The following GC variants were observed in gnomAD, a reference collection of about 807,000 sequenced individuals.
GC encodes the protein GC vitamin D binding protein.
Under a neutral mutation model 56.7 loss-of-function variants are expected in GC, and 43 were observed. The observed-to-expected ratio is 0.76, with a 90% CI of 0.59 to 0.98. The LOEUF is 0.98. Ranked by LOEUF, GC falls within the 50% of genes least tolerant of loss-of-function variation. The pLI, the probability that GC is intolerant of heterozygous loss-of-function variation, is 0.00. For missense variants in GC, 529 were observed against 545.9 expected (o/e 0.97, Z 0.31); for synonymous variants, 216 against 202.7 (o/e 1.07, Z -0.56).
intron 3 of GC, among the ~76,000 whole-genome samples, chr4:71,766,865 T>C (rs1055976229): frequency 2.6e-5 from 4 of 152,128 alleles, no homozygotes; most frequent in African/African-American, 9.7e-5. Context: ...AAAACACTTT[T>C]CAAAAATGTT....
At chr4:71,750,275 G>T (rs574544913) in intron 11 of GC, among the ~76,000 whole-genome samples, 1 of 152,148 alleles carries the variant, frequency 6.6e-6, no homozygotes, top group Non-Finnish European at 1.5e-5. Context: ...TTAATTTATA[G>T]AAGAATGTTC....
intron 3 of GC, among the ~76,000 whole-genome samples, chr4:71,765,941 G>C (rs990467568): frequency 1.3e-5 from 2 of 152,166 alleles, no homozygotes; most frequent in South Asian, 2.1e-4. Context: ...CTCTAGCCTA[G>C]TGTTCCTCCG....
intron 12 of GC, among the ~76,000 whole-genome samples, chr4:71,742,350 C>T (rs1470175194): frequency 2.0e-5 from 3 of 152,126 alleles, no homozygotes; most frequent in African/African-American, 7.2e-5. Flanking sequence ...TTAATTTTTT[C>T]CCTCTTCCAA....
At position 71,773,579 on chromosome 4, in the gene GC, C is replaced by T. The variant is rs138851836; in HGVS notation, c.59-4179G>A. 1.6e-3 allele frequency among the ~76,000 whole-genome samples: 244 copies of T among 152,116 alleles called. 2 individuals carry two copies. Among genetic ancestry groups the T allele is most frequent in the African/African-American group, 5.6e-3 (231 of 41,548 alleles). ...AATGGGGATAGCTAATAAGATACTG[C>T]TTTGTTACAAAGTTTATTAAAGTAG... On this transcript the variant is annotated intron_variant, in intron 1 of 12. Coordinates refer to ENST00000273951, the MANE Select transcript of GC (RefSeq NM_000583.4).
intron 1 of GC, among the ~76,000 whole-genome samples, chr4:71,792,794 G>A (rs925681574): frequency 1.3e-5 from 2 of 152,122 alleles, no homozygotes; most frequent in Admixed American, 1.3e-4. Context: ...ATGGTTTTAG[G>A]TCTAATATGT....
upstream of GC, among the ~76,000 whole-genome samples, chr4:71,786,988 G>T (rs140105500): frequency 5.3e-4 from 80 of 151,946 alleles, no homozygotes; most frequent in South Asian, 1.0e-3. Flanking sequence ...GAGAAGAACA[G>T]AACACAATCC....
At chr4:71,787,919 T>C (rs554393960), upstream of GC, among the ~76,000 whole-genome samples, 1 of 151,918 alleles carries the variant, frequency 6.6e-6, no homozygotes, top group African/African-American at 2.4e-5. Context: ...GAATTTTGAG[T>C]AGGCAGCTGG....
intron 1 of GC, among the ~76,000 whole-genome samples, chr4:71,793,036 G>A (rs985885863): frequency 6.6e-6 from 1 of 151,996 alleles, no homozygotes; most frequent in Non-Finnish European, 1.5e-5. Context: ...GTTGGGGTAC[G>A]GGTACCATGC....
At chr4:71,763,119 T>C (rs139689797) in intron 6 of GC, among the ~76,000 whole-genome samples, 22 of 152,326 alleles carry the variant, frequency 1.4e-4, no homozygotes, top group African/African-American at 5.3e-4. Flanking sequence ...TTTTTGTTTG[T>C]AACATATGCT....
At chr4:71,761,810 A>T (rs1344468351) in intron 6 of GC, among the ~76,000 whole-genome samples, 5 of 152,166 alleles carry the variant, frequency 3.3e-5, no homozygotes, top group Non-Finnish European at 7.3e-5. Flanking sequence ...GAGCCTGCGG[A>T]TGCACAGAAG....
chr4:71,800,781 C>A (rs1743228406), intron 1 of GC, among the ~76,000 whole-genome samples: 2 of 152,140 alleles, frequency 1.3e-5, no homozygotes, highest in Admixed American at 6.6e-5. Flanking sequence ...ATCCGACTGG[C>A]ATGTGATGGT....
upstream of GC, among the ~76,000 whole-genome samples, chr4:71,784,553 G>T (rs918106199): frequency 2.0e-5 from 3 of 151,728 alleles, no homozygotes; most frequent in Non-Finnish European, 4.4e-5. Flanking sequence ...AGGGGAAAAA[G>T]AGTGAGAAGC....
chr4:71,758,289 T>A, intron 6 of GC, 118 bp from the exon 7 acceptor site: 3 of 820,914 alleles, frequency 3.7e-6, no homozygotes, highest in Non-Finnish European at 5.9e-6. Flanking sequence ...CCTCAAGAGA[T>A]GCATGGGAGC....
intron 11 of GC, among the ~76,000 whole-genome samples, chr4:71,749,153 A>T (rs1433658704): frequency 6.6e-6 from 1 of 152,130 alleles, no homozygotes; most frequent in African/African-American, 2.4e-5. Context: ...ATCTCTGTGT[A>T]CTCTGAATAA....
intron 10 of GC, among the ~76,000 whole-genome samples, chr4:71,754,007 T>G (rs1053488437): frequency 4.6e-5 from 7 of 152,226 alleles, no homozygotes; most frequent in African/African-American, 1.7e-4. Flanking sequence ...ATGACATGTT[T>G]CCTCCAGAAA....
At chr4:71,799,323 C>A (rs768619627) in intron 1 of GC, among the ~76,000 whole-genome samples, 38 of 152,154 alleles carry the variant, frequency 2.5e-4, no homozygotes, top group Non-Finnish European at 5.4e-4. Context: ...CTCTGTTTAC[C>A]CCCATCTCTC....
intron 11 of GC, among the ~76,000 whole-genome samples, chr4:71,750,472 T>A (rs1741511192): frequency 6.6e-6 from 1 of 152,224 alleles, no homozygotes; most frequent in African/African-American, 2.4e-5. Context: ...ACTTGCTTTT[T>A]TAAAAATTAA....
chr4:71,757,102 A>G (rs570170517), intron 7 of GC, among the ~76,000 whole-genome samples, 188 bp from the exon 8 acceptor site: 1 of 152,342 alleles, frequency 6.6e-6, no homozygotes, highest in African/African-American at 2.4e-5. Context: ...TTAAAAATGT[A>G]CAATTCTATT....
chr4:71,762,931 G>A (rs1338740108), intron 6 of GC, among the ~76,000 whole-genome samples: 2 of 152,118 alleles, frequency 1.3e-5, no homozygotes, highest in East Asian at 3.8e-4. Context: ...TAATACAAAG[G>A]TAGATAACTA....
Sources: gnomAD v4.1 joint callset for allele counts (sites outside exome capture counted in the v4.1 genomes callset) on GRCh38, gnomAD v4.1.1 for gene constraint, MANE v1.5 for transcripts, NCBI Gene and HGNC (gene_info 2026-07-23, HGNC 2026-07-21) for gene names.